CRYGN: variants seen among roughly 807,000 people sequenced by gnomAD.
CRYGN encodes crystallin gamma N.
A neutral mutation model predicts 19.2 loss-of-function variants in CRYGN; 17 were observed. The observed-to-expected ratio is 0.89, with a 90% CI of 0.61 to 1.33. CRYGN has a LOEUF of 1.33. CRYGN is among the 40% of genes most tolerant of loss of function. CRYGN has a pLI of 0.00. For missense variants in CRYGN, 239 were observed against 239.6 expected (o/e 1.00, Z 0.02); for synonymous variants, 84 against 85.8 (o/e 0.98, Z 0.12).
At position 151,428,876 on chromosome 7, in the gene CRYGN, G is replaced by A. The variant is rs960691266; in HGVS notation, c.*1172C>T. The A allele has an allele frequency of 6.6e-6, 1 of 152,296 alleles. No homozygotes were observed. The highest frequency in any genetic ancestry group is 6.5e-5 in the Admixed American group (1 of 15,286). The allele number at this position is 152,296 out of a possible 1,614,324, so 9.4% of individuals were successfully genotyped here. ...TTTTTCCTCTTTCAGACAAAAAGCA[G>A]ATTTGCTGACAGATTAGGGAGCAGG... is the stretch of plus-strand genomic sequence containing the variant. On this transcript the variant is annotated 3_prime_UTR_variant, in exon 4 of 4. Coordinates refer to ENST00000337323, the MANE Select transcript of CRYGN (RefSeq NM_144727.3).
chr7:151,436,232 T>G lies in CRYGN; in HGVS notation c.364A>C (p.Arg122=). 1 of 1,596,452 alleles carries G rather than the reference T, an allele frequency of 6.3e-7. No individual in the cohort carries two copies. Among genetic ancestry groups the G allele is most frequent in the Non-Finnish European group, 8.5e-7 (1 of 1,170,902 alleles). The change falls in exon 3 of 4, where the codon AGG becomes CGG. Residue 122 remains arginine (R), a synonymous_variant. Transcript: ENST00000337323. This position sits in a 1 kb window ranked among gnomAD's most constrained non-coding sequence, Gnocchi z 5.1. ...TTCACACAGTTCTTGACCCAGCCCC[T>G]GCTCTGGAGGAAGGGGCTGTCCTCC... ...FLEDSPFLQS[R]GWVKNCVNTI...
In CRYGN at chr7:151,437,985, G is replaced by T; in HGVS notation, c.270+11C>A. On this transcript the variant is annotated intron_variant, in intron 2 of 3. Coordinates refer to ENST00000337323, the MANE Select transcript of CRYGN (RefSeq NM_144727.3). ...AGGAAGACTCAGCCTTCGGTGGACG[G>T]GCCCACTCACCATTCCTACAGGCCG... 6.2e-7 allele frequency: 1 copy of T among 1,611,904 alleles called. No homozygotes were observed.
chr7:151,429,977 A>C lies in CRYGN; in HGVS notation c.*71T>G. The C allele has an allele frequency of 2.6e-6, 2 of 783,992 alleles. No individual in the cohort carries two copies. 48.6% of individuals were successfully genotyped at this position (783,992 alleles called of 1,614,324 possible). ...TGGCAGAGAAATGAAAACTGAGGGC[A>C]TGATTTTAAGTAAACACTCTCCCGG... is the stretch of plus-strand genomic sequence containing the variant. On this transcript the variant is annotated 3_prime_UTR_variant, in exon 4 of 4. Transcript: ENST00000337323.
rs992282504 is a variant in CRYGN, at chr7:151,433,614, C to T, written c.416+2566G>A. 20 of 155,066 alleles carry T rather than the reference C, an allele frequency of 1.3e-4. No individual in the cohort carries two copies. The highest frequency in any genetic ancestry group is 4.6e-4 in the African/African-American group (19 of 41,540). 9.6% of individuals were successfully genotyped at this position (155,066 alleles called of 1,614,324 possible). A position where few individuals can be genotyped will look rare whatever the true frequency, so the allele number is the denominator to read the frequency against. ...CCCTCATGGCCCCCGTATCCATGCC[C>T]CTCCACACCTACAGCTTTCCAACCC... On this transcript the variant is annotated intron_variant, in intron 3 of 3. Coordinates refer to ENST00000337323, the MANE Select transcript of CRYGN (RefSeq NM_144727.3). This position sits in a 1 kb window ranked among gnomAD's most constrained non-coding sequence, Gnocchi z 5.1.
intron 1 of CRYGN, among the ~76,000 whole-genome samples, chr7:151,439,673 G>A (rs559408334): frequency 1.3e-5 from 2 of 152,282 alleles, no homozygotes; most frequent in South Asian, 2.1e-4. Context: ...TGCAGGGCGA[G>A]GGGTTGGAAT....
chr7:151,438,504 G>A (rs1036785362), intron 1 of CRYGN, among the ~76,000 whole-genome samples: 1 of 152,250 alleles, frequency 6.6e-6, no homozygotes, highest in African/African-American at 2.4e-5. Flanking sequence ...TTTCAGCAGC[G>A]ATTTGGGGAC....
intron 3 of CRYGN, chr7:151,432,234 C>T (rs1801487687): frequency 3.2e-6 from 4 of 1,232,224 alleles, no homozygotes; most frequent in Non-Finnish European, 4.0e-6. Context: ...AGTCGCCACT[C>T]TCCACCACGT....
In CRYGN at chr7:151,430,933, T is replaced by C. The variant is rs1801449323; in HGVS notation, c.417-753A>G. Reference sequence around the variant, plus strand: ...GTGGGCACACGGGTGATCCAACCCATGCACCTGGCCCCCCACTGATCCCTC... The same window carrying C: ...GTGGGCACACGGGTGATCCAACCCACGCACCTGGCCCCCCACTGATCCCTC... On this transcript the variant is annotated intron_variant, in intron 3 of 3. Transcript: ENST00000337323. The surrounding 1 kb of genome is among the most constrained non-coding windows in gnomAD (Gnocchi z 5.2). 6.6e-6 allele frequency among the ~76,000 whole-genome samples: 1 copy of C among 152,076 alleles called. No individual in the cohort carries two copies. Among genetic ancestry groups the C allele is most frequent in the African/African-American group, 2.4e-5 (1 of 41,404 alleles).
chr7:151,432,248 T>C, intron 3 of CRYGN: 1 of 1,232,024 alleles, frequency 8.1e-7, no homozygotes, highest in Non-Finnish European at 1.0e-6. Flanking sequence ...ACCACGTACA[T>C]GCGGCCGTGG....
rs116968919 is a variant in CRYGN, at chr7:151,430,609, C to T, written c.417-429G>A. Among the ~76,000 whole-genome samples, 17 of 152,276 alleles carry T rather than the reference C, an allele frequency of 1.1e-4. No individual in the cohort carries two copies. Among genetic ancestry groups the T allele is most frequent in the African/African-American group, 3.1e-4 (13 of 41,548 alleles). On this transcript the variant is annotated intron_variant, in intron 3 of 3. Transcript: ENST00000337323. The surrounding 1 kb of genome is among the most constrained non-coding windows in gnomAD (Gnocchi z 5.2). ...TTCTCTCGGGAACCCTGTGTTCCCT[C>T]GCTGAGCTCCCTGCCGTACTCCATC...
At chr7:151,432,112 C>T in intron 3 of CRYGN, 2 of 1,096,940 alleles carry the variant, frequency 1.8e-6, no homozygotes, top group Non-Finnish European at 2.3e-6. Context: ...GCCCCTGTCC[C>T]CAGAGCTGCG....
rs770324431 is a variant in CRYGN at position 151,438,113 on chromosome 7, G to A, written c.153C>T (p.Cys51=). 1.9e-6 allele frequency: 3 copies of A among 1,614,198 alleles called. No homozygotes were observed. Among genetic ancestry groups the A allele is most frequent in the Non-Finnish European group, 2.5e-6 (3 of 1,180,044 alleles). Residue 51 remains cysteine, a synonymous_variant, in exon 2 of 4, where the codon TGC becomes TGT. Coordinates refer to ENST00000337323, the MANE Select transcript of CRYGN (RefSeq NM_144727.3). Reference sequence around the variant, plus strand: ...GGCCCCGGAAGTCGGGGTGATTGAAGCAGACCCAGGCTCCGCTCTCCACGT... The same window carrying A: ...GGCCCCGGAAGTCGGGGTGATTGAAACAGACCCAGGCTCCGCTCTCCACGT... ...SIHVESGAWV[C]FNHPDFRGQQ...
In CRYGN at chr7:151,440,009, G is replaced by A; in HGVS notation, c.-92C>T. The A allele has an allele frequency of 2.1e-6, 3 of 1,415,948 alleles. No homozygotes were observed. Among genetic ancestry groups the A allele is most frequent in the Non-Finnish European group, 2.8e-6 (3 of 1,081,712 alleles). 87.7% of individuals were successfully genotyped at this position (1,415,948 alleles called of 1,614,324 possible). On this transcript the variant is annotated 5_prime_UTR_variant, in exon 1 of 4. Transcript: ENST00000337323. ...CCCGGACAAAAGATTTGCTGGGCCG[G>A]CCCCGGAGCGTTAGTGCTGTCGGGC...
At chr7:151,440,171 C>T (rs1801729271), upstream of CRYGN, 8 of 1,216,742 alleles carry the variant, frequency 6.6e-6, no homozygotes, top group South Asian at 1.5e-4. Flanking sequence ...TCCCTGAGCC[C>T]TCCCGCCCAG....
Position 151,431,937 on chromosome 7 carries a change from C to T in CRYGN, c.417-1757G>A. ...CCACCTCTCCCCACCACTCTCCCCT[C>T]CCTGGCCCAGGGGGTCCCTGGGAGT... is the stretch of plus-strand genomic sequence containing the variant. On this transcript the variant is annotated intron_variant, in intron 3 of 3. Coordinates refer to ENST00000337323, the MANE Select transcript of CRYGN (RefSeq NM_144727.3). This position sits in a 1 kb window ranked among gnomAD's most constrained non-coding sequence, Gnocchi z 4.8. 1 of 349,868 alleles carries T rather than the reference C, an allele frequency of 2.9e-6. No individual in the cohort carries two copies. The allele number at this position is 349,868 out of a possible 1,614,324, so 21.7% of individuals were successfully genotyped here. A position where few individuals can be genotyped will look rare whatever the true frequency, so the allele number is the denominator to read the frequency against.
intron 1 of CRYGN, chr7:151,438,997 AC>A (rs1443559932): frequency 6.6e-6 from 1 of 152,216 alleles, no homozygotes; most frequent in Non-Finnish European, 1.5e-5. Context: ...CTGCTGTGGA[AC>A]CTAAAATCTC....
At chr7:151,437,906 C>T (rs755405932) in intron 2 of CRYGN, 90 bp downstream of exon 2, 19 of 1,594,312 alleles carry the variant, frequency 1.2e-5, no homozygotes, top group South Asian at 7.8e-5. Context: ...GGGAGGACCA[C>T]GCTCCCCGAT....
intron 3 of CRYGN, chr7:151,432,041 G>A (rs776925868): frequency 2.6e-5 from 12 of 455,522 alleles, no homozygotes; most frequent in African/African-American, 4.0e-5. Context: ...GAAGCCGCCC[G>A]TTGGCTTTGA....
rs1801535980 is a variant in CRYGN, at chr7:151,433,978, C to G, written c.416+2202G>C. ...CACGGGTCTGAGGGGATGGGTCATG[C>G]CTGGGCTGATGTGGGACCCAGAGGG... On this transcript the variant is annotated intron_variant, in intron 3 of 3. Coordinates refer to ENST00000337323, the MANE Select transcript of CRYGN (RefSeq NM_144727.3). This position sits in a 1 kb window ranked among gnomAD's most constrained non-coding sequence, Gnocchi z 5.1. Among the ~76,000 whole-genome samples the G allele has an allele frequency of 6.6e-6, 1 of 152,078 alleles. No individual in the cohort carries two copies. The highest frequency in any genetic ancestry group is 2.4e-5 in the African/African-American group (1 of 41,392).
Sources: gnomAD v4.1 joint callset for allele counts (sites outside exome capture counted in the v4.1 genomes callset) on GRCh38, gnomAD v4.1.1 for gene constraint, Gnocchi (gnomAD v3.1) non-coding constraint, MANE v1.5 for transcripts, NCBI Gene and HGNC (gene_info 2026-07-23, HGNC 2026-07-21) for gene names.